RBFOX1: variants seen among roughly 807,000 people sequenced by gnomAD.
RBFOX1 encodes RNA binding protein fox-1 homolog 1.
Under a neutral mutation model 57.7 loss-of-function variants are expected in RBFOX1, and 8 were observed. The ratio of observed to expected loss-of-function variants is 0.14; its 90% CI spans 0.08 to 0.25. The LOEUF (loss-of-function observed/expected upper bound fraction) is 0.25, where lower values mean the gene tolerates loss of function less well. RBFOX1 is among the 10% of genes least tolerant of loss of function. The probability of loss-of-function intolerance (pLI) is 1.00; values close to 1 mark genes in which losing one functional copy is unlikely to be tolerated. For missense variants in RBFOX1, 611 were observed against 548.5 expected, an observed-to-expected ratio of 1.11 and a Z score of -1.14; for synonymous variants, 326 against 222.4, an observed-to-expected ratio of 1.47 and a Z score of -4.15.
At chr16:7,195,865 T>C (rs2086575424) in intron 4 of RBFOX1, among the ~76,000 whole-genome samples, 1 of 152,152 alleles carries the variant, frequency 6.6e-6, no homozygotes, top group African/African-American at 2.4e-5. Context: ...ATGCTCATAA[T>C]TTTAGAAAGG....
At chr16:7,358,285 C>T (rs536158698) in intron 4 of RBFOX1, among the ~76,000 whole-genome samples, 12 of 152,160 alleles carry the variant, frequency 7.9e-5, no homozygotes, top group Non-Finnish European at 1.2e-4. Flanking sequence ...GCCGTGCCAC[C>T]GAAAGGGACA....
intron 2 of RBFOX1, among the ~76,000 whole-genome samples, chr16:5,549,862 A>G (rs2045386759): frequency 6.6e-6 from 1 of 152,118 alleles, no homozygotes; most frequent in Non-Finnish European, 1.5e-5. Flanking sequence ...CTGAGATGGG[A>G]GGGAATCTTG....
At chr16:6,712,587 G>A (rs1357847253) in intron 3 of RBFOX1, among the ~76,000 whole-genome samples, 1 of 152,052 alleles carries the variant, frequency 6.6e-6, no homozygotes, top group African/African-American at 2.4e-5. Context: ...TGTCATCCAT[G>A]GCAAGATAAT....
At chr16:5,501,599 G>C (rs1410556342) in intron 2 of RBFOX1, among the ~76,000 whole-genome samples, 2 of 152,088 alleles carry the variant, frequency 1.3e-5, no homozygotes, top group African/African-American at 4.8e-5. Flanking sequence ...GTTAAATGAA[G>C]GCAATTATAG....
chr16:6,350,576 G>A (rs1461432124), intron 2 of RBFOX1, among the ~76,000 whole-genome samples: 3 of 148,940 alleles, frequency 2.0e-5, no homozygotes, highest in Non-Finnish European at 4.4e-5. Flanking sequence ...ATTTAACTAA[G>A]GTGATGCCTG....
At chr16:5,615,057 T>C (rs887252) in intron 3 of RBFOX1, among the ~76,000 whole-genome samples, 15,736 of 152,140 alleles carry the variant, frequency 0.1, 1,299 homozygotes, top group East Asian at 0.39. Flanking sequence ...GTTTTTGAGA[T>C]GGGGTTTCAC....
At chr16:5,538,499 C>A (rs936508980) in intron 2 of RBFOX1, among the ~76,000 whole-genome samples, 1 of 152,156 alleles carries the variant, frequency 6.6e-6, no homozygotes, top group Non-Finnish European at 1.5e-5. Flanking sequence ...ACAAGGGTAA[C>A]ACTGGCTTGA....
At chr16:5,855,085 G>C (rs1009889849) in intron 3 of RBFOX1, among the ~76,000 whole-genome samples, 4 of 152,026 alleles carry the variant, frequency 2.6e-5, no homozygotes, top group Non-Finnish European at 4.4e-5. Context: ...GTTTTTTTCT[G>C]CTGTTGAGTT....
chr16:6,151,947 G>T (rs146971675), intron 1 of RBFOX1, among the ~76,000 whole-genome samples: 4 of 152,284 alleles, frequency 2.6e-5, no homozygotes, highest in African/African-American at 9.6e-5. Flanking sequence ...AAAAGAAAAA[G>T]CTTTAATATA....
intron 2 of RBFOX1, among the ~76,000 whole-genome samples, chr16:6,420,064 C>G (rs2152987311): frequency 6.6e-6 from 1 of 152,250 alleles, no homozygotes; most frequent in South Asian, 2.1e-4. Context: ...ACTTAATTTC[C>G]TTGTTTTGCA....
chr16:6,357,682 C>G (rs2087618594), intron 2 of RBFOX1, among the ~76,000 whole-genome samples: 1 of 152,074 alleles, frequency 6.6e-6, no homozygotes, highest in South Asian at 2.1e-4. Flanking sequence ...GATGCAGTGG[C>G]TCATGCCTGT....
chr16:7,338,481 G>T (rs142094535), intron 4 of RBFOX1, among the ~76,000 whole-genome samples: 2 of 152,016 alleles, frequency 1.3e-5, no homozygotes, highest in African/African-American at 4.8e-5. Flanking sequence ...CTGTAGCCTC[G>T]AACTCCTGGT....
In RBFOX1 at chr16:5,432,158, G is replaced by T. The variant is rs560838345; in HGVS notation, c.220-35058G>T. Among the ~76,000 whole-genome samples, 6 of 152,268 alleles carry T rather than the reference G, an allele frequency of 3.9e-5. No homozygotes were observed. In the South Asian group the frequency reaches 1.2e-3, roughly 32 times the overall value. On this transcript the variant is annotated intron_variant, in intron 1 of 2. Coordinates refer to the RBFOX1 transcript ENST00000585867. Reference sequence around the variant, plus strand: ...GTCTCTGTGGAGGGAAAATCCACCAGGATTGGCACAGCGAGGTGTGGACAT... The same window carrying T: ...GTCTCTGTGGAGGGAAAATCCACCATGATTGGCACAGCGAGGTGTGGACAT...
intron 2 of RBFOX1, among the ~76,000 whole-genome samples, chr16:6,598,980 T>A (rs2097811865): frequency 6.6e-6 from 1 of 152,098 alleles, no homozygotes; most frequent in African/African-American, 2.4e-5. Context: ...CTCCTCTGTT[T>A]CCCATCCCAG....
At chr16:7,596,108 G>T (rs1602860715) in intron 8 of RBFOX1, among the ~76,000 whole-genome samples, 2 of 100,530 alleles carry the variant, frequency 2.0e-5, no homozygotes, top group African/African-American at 4.6e-5. Flanking sequence ...TTTTTTGTTT[G>T]TTTGTTTGTT....
At chr16:6,929,542 T>C (rs2076169051) in intron 3 of RBFOX1, among the ~76,000 whole-genome samples, 1 of 152,096 alleles carries the variant, frequency 6.6e-6, no homozygotes, top group Admixed American at 6.6e-5. Context: ...AAAAATCCAG[T>C]TATGACTGTA....
chr16:7,069,239 A>G (rs1039741175), intron 4 of RBFOX1, among the ~76,000 whole-genome samples: 2 of 152,128 alleles, frequency 1.3e-5, no homozygotes, highest in Non-Finnish European at 2.9e-5. Flanking sequence ...CAGGATGTGC[A>G]GGTTTGTTAC....
chr16:6,984,188 G>C lies in RBFOX1; in HGVS notation c.-15-67869G>C, dbSNP rs558722599. Among the ~76,000 whole-genome samples, 10 of 152,200 alleles carry C rather than the reference G, an allele frequency of 6.6e-5. No individual in the cohort carries two copies. The East Asian group carries it at 7.7e-4, about 12-fold the overall frequency. On this transcript the variant is annotated intron_variant, in intron 3 of 15. Coordinates refer to ENST00000550418, the MANE Select transcript of RBFOX1 (RefSeq NM_018723.4). ...CTTGAACCCTGGAGGCAGAGGTTGCGGTGAGCCGAGATAGTGCCATTGCAC... is the reference window on the plus strand; with the variant it reads ...CTTGAACCCTGGAGGCAGAGGTTGCCGTGAGCCGAGATAGTGCCATTGCAC...
At chr16:7,049,116 A>G (rs905674530) in intron 3 of RBFOX1, among the ~76,000 whole-genome samples, 27 of 152,260 alleles carry the variant, frequency 1.8e-4, no homozygotes, top group African/African-American at 6.0e-4. Context: ...ATTTTCCCAA[A>G]TTATTTTCTC....
Sources: allele counts gnomAD v4.1 joint callset (sites outside exome capture counted in the v4.1 genomes callset), GRCh38; gene constraint gnomAD v4.1.1; transcripts MANE v1.5; gene names NCBI Gene and HGNC (gene_info 2026-07-23, HGNC 2026-07-21).